The following ELMO1 variants were observed in gnomAD, a reference collection of about 807,000 sequenced individuals.
ELMO1 encodes the protein engulfment and cell motility 1, also known as engulfment and cell motility protein 1.
ELMO1 carries 26 observed loss-of-function variants against 98.9 expected under a neutral mutation model. The ratio of observed to expected loss-of-function variants is 0.26; its 90% confidence interval spans 0.19 to 0.36. ELMO1 has a LOEUF of 0.36. Ranked by LOEUF, ELMO1 falls within the 10% of genes least tolerant of loss-of-function variation. ELMO1 has a pLI of 1.00. For synonymous variants in ELMO1, 346 were observed against 346.0 expected, an observed-to-expected ratio of 1.00 and a Z score of 0.00; for missense variants, 627 against 935.2, an observed-to-expected ratio of 0.67 and a Z score of 4.30.
At chr7:37,207,153 C>G (rs1313279303) in intron 13 of ELMO1, among the ~76,000 whole-genome samples, 2 of 152,204 alleles carry the variant, frequency 1.3e-5, no homozygotes, top group African/African-American at 4.8e-5. Flanking sequence ...ACTTTGTATA[C>G]AGCATTTCCC....
intron 4 of ELMO1, among the ~76,000 whole-genome samples, chr7:37,290,460 AAATT>A (rs1416473324): frequency 2.6e-5 from 4 of 152,358 alleles, no homozygotes; most frequent in East Asian, 1.9e-4. Context: ...GTATTTGCAG[AAATT>A]AATTAAGCTC....
At chr7:37,369,667 A>T (rs1802036035) in intron 1 of ELMO1, among the ~76,000 whole-genome samples, 1 of 144,422 alleles carries the variant, frequency 6.9e-6, no homozygotes, top group South Asian at 2.3e-4. Context: ...ATATAGCCCA[A>T]AATGTAAAAA....
At chr7:37,114,642 G>A (rs1194923380) in intron 14 of ELMO1, among the ~76,000 whole-genome samples, 1 of 151,978 alleles carries the variant, frequency 6.6e-6, no homozygotes, top group Non-Finnish European at 1.5e-5. Flanking sequence ...TATCAATGAG[G>A]AATTCAAGCA....
rs145227504 is a variant in ELMO1, at chr7:37,127,403, TC to T, written c.1191+5726del. Reference sequence around the variant, plus strand: ...TCCAAGAATGACAACACTGTTTCCCTCATCATACTCCAAGCCCAGAGACGAG... The same window carrying T: ...TCCAAGAATGACAACACTGTTTCCCTATCATACTCCAAGCCCAGAGACGAG... On this transcript the variant is annotated intron_variant, in intron 14 of 21. Transcript: ENST00000310758. Among the ~76,000 whole-genome samples, 557 of 152,264 alleles carry T rather than the reference TC, an allele frequency of 3.7e-3. 2 individuals carry two copies. Among genetic ancestry groups the T allele is most frequent in the African/African-American group, 0.013 (539 of 41,542 alleles).
intron 13 of ELMO1, among the ~76,000 whole-genome samples, chr7:37,198,483 G>A (rs568281025): frequency 6.8e-4 from 104 of 152,256 alleles, no homozygotes; most frequent in African/African-American, 2.4e-3. Context: ...TGGGAGATAC[G>A]ACTATATCCA....
chr7:37,148,988 T>A (rs770345025), intron 13 of ELMO1, among the ~76,000 whole-genome samples: 1 of 152,226 alleles, frequency 6.6e-6, no homozygotes, highest in Non-Finnish European at 1.5e-5. Context: ...AAGGTGGGTC[T>A]TGATAATCCA....
rs759507860 is a variant in ELMO1 at position 36,933,164 on chromosome 7, G to A, written c.1438-38147C>T. Among the ~76,000 whole-genome samples, 12 of 152,242 alleles carry A rather than the reference G, an allele frequency of 7.9e-5. No individual in the cohort carries two copies. In the South Asian group the frequency reaches 8.3e-4, roughly 11 times the overall value. On this transcript the variant is annotated intron_variant, in intron 16 of 21. Transcript: ENST00000310758. ...GACAGTATCTTTATGTCACTCACCC[G>A]TGCTTTGAGAAGACTATGAGACTCC...
At chr7:37,379,315 A>C (rs1583654956) in intron 1 of ELMO1, among the ~76,000 whole-genome samples, 1 of 151,992 alleles carries the variant, frequency 6.6e-6, no homozygotes, top group East Asian at 1.9e-4. Flanking sequence ...GCTGGGATTA[A>C]CAGGTGTGAG....
intron 14 of ELMO1, among the ~76,000 whole-genome samples, chr7:37,118,901 T>C (rs1400036658): frequency 6.6e-6 from 1 of 152,214 alleles, no homozygotes; most frequent in Admixed American, 6.5e-5. Flanking sequence ...ATTTGAACTG[T>C]GGCTACCACC....
intron 21 of ELMO1, among the ~76,000 whole-genome samples, chr7:36,860,956 C>T (rs1280407694): frequency 6.6e-6 from 1 of 152,162 alleles, no homozygotes; most frequent in Non-Finnish European, 1.5e-5. Flanking sequence ...ATGTTCTCTT[C>T]CTTTCTAAAG....
intron 1 of ELMO1, among the ~76,000 whole-genome samples, chr7:37,435,392 G>A (rs1441492104): frequency 1.3e-5 from 2 of 152,156 alleles, no homozygotes; most frequent in Non-Finnish European, 1.5e-5. Context: ...CCCTGCATAC[G>A]ATCCAATACT....
chr7:37,092,043 A>G (rs1227138860), intron 15 of ELMO1, among the ~76,000 whole-genome samples: 2 of 152,040 alleles, frequency 1.3e-5, no homozygotes, highest in Non-Finnish European at 2.9e-5. Flanking sequence ...TCAATCTTCA[A>G]TCTTGTTCTT....
At chr7:36,961,565 T>A (rs1788952808) in intron 16 of ELMO1, among the ~76,000 whole-genome samples, 1 of 152,202 alleles carries the variant, frequency 6.6e-6, no homozygotes, top group African/African-American at 2.4e-5. Context: ...CCTTTTCAGT[T>A]TCACAAAAGT....
intron 1 of ELMO1, among the ~76,000 whole-genome samples, chr7:37,406,951 A>T (rs1350427869): frequency 2.0e-5 from 3 of 152,254 alleles, no homozygotes; most frequent in African/African-American, 7.2e-5. Context: ...AAGAATTTGT[A>T]GTAAACAGAA....
intron 13 of ELMO1, among the ~76,000 whole-genome samples, chr7:37,191,977 G>T (rs1345728946): frequency 6.6e-6 from 1 of 152,182 alleles, no homozygotes; most frequent in African/African-American, 2.4e-5. Flanking sequence ...GTGTACTGAG[G>T]ACACATGGAA....
intron 16 of ELMO1, among the ~76,000 whole-genome samples, chr7:37,008,150 A>G (rs1424298): frequency 0.27 from 40,965 of 152,124 alleles, 6,988 homozygotes; most frequent in African/African-American, 0.49. Context: ...TTATAATGTC[A>G]ATTTTGATAG....
intron 13 of ELMO1, among the ~76,000 whole-genome samples, chr7:37,171,923 C>A (rs1040993386): frequency 2.0e-5 from 3 of 152,140 alleles, no homozygotes; most frequent in African/African-American, 7.2e-5. Context: ...CAAAATTCAC[C>A]AAGTTGGGTC....
chr7:37,075,500 C>T (rs1562984394), intron 15 of ELMO1, among the ~76,000 whole-genome samples: 1 of 151,710 alleles, frequency 6.6e-6, no homozygotes, highest in Admixed American at 6.6e-5. Context: ...CCGATAAAAC[C>T]CTGGCAAAAC....
intron 2 of ELMO1, among the ~76,000 whole-genome samples, chr7:37,341,345 A>G (rs1170448911): frequency 2.0e-5 from 3 of 152,190 alleles, no homozygotes; most frequent in Non-Finnish European, 2.9e-5. Flanking sequence ...GTATCTCCAA[A>G]CATTTTCTTA....
Sources: gnomAD v4.1 joint callset for allele counts (sites outside exome capture counted in the v4.1 genomes callset) on GRCh38, gnomAD v4.1.1 for gene constraint, MANE v1.5 for transcripts, NCBI Gene and HGNC (gene_info 2026-07-23, HGNC 2026-07-21) for gene names.